ZNF487: variants seen among roughly 807,000 people sequenced by gnomAD.
The protein encoded by ZNF487 is KRAB domain only 1.
A neutral mutation model predicts 3.0 loss-of-function variants in ZNF487; 4 were observed. That is an observed-to-expected ratio of 1.35 (90% CI 0.66 to 3.08). The LOEUF (loss-of-function observed/expected upper bound fraction) is 3.08. Ranked by LOEUF, ZNF487 falls within the 30% of genes most tolerant of loss-of-function variation. The pLI is 0.01. For missense variants in ZNF487, 146 were observed against 98.7 expected (o/e 1.48, Z -2.03); for synonymous variants, 55 against 34.6 (o/e 1.59, Z -2.06).
the ZNF487 span, among the ~76,000 whole-genome samples, chr10:43,509,582 G>T: frequency 6.6e-6 from 1 of 151,688 alleles, no homozygotes; most frequent in African/African-American, 2.4e-5. Flanking sequence ...CTTCCAAAAG[G>T]ATTAGTTCCA....
chr10:43,451,753 C>T lies in ZNF487; in HGVS notation c.-94+14491C>T, dbSNP rs530959897. Among the ~76,000 whole-genome samples, 13 of 151,978 alleles carry T rather than the reference C, an allele frequency of 8.6e-5. No homozygotes were observed. In the South Asian group the frequency reaches 1.7e-3, roughly 19 times the overall value. The stretch of plus-strand genomic sequence containing the variant: ...GCTAATTTTGTATTTTTAGTAGAGA[C>T]GGGGTTTCTCCATGTTGGTCAGGCT... On this transcript the variant is annotated intron_variant, in intron 1 of 3. Transcript: ENST00000437590.
Position 43,481,645 on chromosome 10 carries a change from T to A in ZNF487, c.347T>A (p.Ile116Asn). The stretch of plus-strand genomic sequence containing the variant: ...AATTTGAATAATATTTCAGAATTAA[T>A]TATTAGTAATAGAAGCTCCTTTGTA... ...GMNLNNISEL[I>N]ISNRSSFVRN... The change falls in exon 4 of 4, where the codon ATT (isoleucine) becomes AAT (asparagine). Residue 116 changes from isoleucine (I) to asparagine (N), a missense_variant. Physicochemically the swap from Ile to Asn is moderately radical, Grantham distance 149. Coordinates refer to ENST00000437590, the MANE Select transcript of ZNF487 (RefSeq NM_001355444.3). 1.5e-6 allele frequency: 1 copy of A among 681,262 alleles called. No homozygotes were observed. The highest frequency in any genetic ancestry group is 2.7e-6 in the Non-Finnish European group (1 of 371,232). 42.2% of individuals were successfully genotyped at this position (681,262 alleles called of 1,614,324 possible). A position where few individuals can be genotyped will look rare whatever the true frequency, so the allele number is the denominator to read the frequency against.
downstream of ZNF487, among the ~76,000 whole-genome samples, chr10:43,484,829 T>C (rs1180604252): frequency 2.0e-5 from 3 of 152,226 alleles, no homozygotes; most frequent in Non-Finnish European, 4.4e-5. Context: ...TCCTACCACA[T>C]CAATTTTAAT....
At chr10:43,490,783 C>T in the ZNF487 span, among the ~76,000 whole-genome samples, 60 of 149,594 alleles carry the variant, frequency 4.0e-4, 2 homozygotes, top group Middle Eastern at 6.8e-3. Context: ...CAAGCTATTC[C>T]CCTGCCTCAG....
At chr10:43,464,577 G>A (rs916739335) in intron 1 of ZNF487, among the ~76,000 whole-genome samples, 1,987 of 152,110 alleles carry the variant, frequency 0.013, 32 homozygotes, top group African/African-American at 0.044. Context: ...GATGACTCTT[G>A]ATGAGCATGC....
chr10:43,500,697 A>G, the ZNF487 span, among the ~76,000 whole-genome samples: 688 of 148,056 alleles, frequency 4.6e-3, 2 homozygotes, highest in African/African-American at 0.016. Context: ...TTTTGTGGAG[A>G]TGGGGTTTCT....
In ZNF487 at chr10:43,481,800, T is replaced by C. The variant is rs1283720034; in HGVS notation, c.502T>C (p.Phe168Leu). 8.5e-6 allele frequency: 6 copies of C among 707,942 alleles called. No homozygotes were observed. Among genetic ancestry groups the C allele is most frequent in the Non-Finnish European group, 1.0e-5 (4 of 385,036 alleles). 43.9% of individuals were successfully genotyped at this position (707,942 alleles called of 1,614,324 possible). A position where few individuals can be genotyped will look rare whatever the true frequency, so the allele number is the denominator to read the frequency against. Reference sequence around the variant, plus strand: ...AGCCGTCTCTCAGAATGAGGACTTATTTAGGCATCAGTATATTCAAACTCT... The same window carrying C: ...AGCCGTCTCTCAGAATGAGGACTTACTTAGGCATCAGTATATTCAAACTCT... ...GKAVSQNEDL[F>L]RHQYIQTLKQ... The change falls in exon 4 of 4, where the codon TTT (phenylalanine) becomes CTT (leucine). Residue 168 changes from phenylalanine (F) to leucine (L), a missense_variant. Physicochemically the swap from Phe to Leu is conservative, Grantham distance 22. Coordinates refer to ENST00000437590, the MANE Select transcript of ZNF487 (RefSeq NM_001355444.3).
chr10:43,483,129 A>T lies in ZNF487; in HGVS notation c.*1207A>T, dbSNP rs1411266672. On this transcript the variant is annotated 3_prime_UTR_variant, in exon 4 of 4. Transcript: ENST00000437590. ...TTCTTGGACTCGTTCCATAGCAGAA[A>T]CAACCCAGGTTGGGGTGAGAACACC... is the stretch of plus-strand genomic sequence containing the variant. 2.2e-6 allele frequency: 1 copy of T among 456,250 alleles called. No individual in the cohort carries two copies. Among genetic ancestry groups the T allele is most frequent in the Admixed American group, 2.4e-5 (1 of 42,534 alleles). 28.3% of individuals were successfully genotyped at this position (456,250 alleles called of 1,614,324 possible). A position where few individuals can be genotyped will look rare whatever the true frequency, so the allele number is the denominator to read the frequency against.
intron 1 of ZNF487, among the ~76,000 whole-genome samples, chr10:43,456,134 T>C (rs1200895987): frequency 2.6e-5 from 4 of 152,192 alleles, no homozygotes; most frequent in Non-Finnish European, 5.9e-5. Context: ...GTCCAGCCAG[T>C]GTGTCCTCAG....
the ZNF487 span, among the ~76,000 whole-genome samples, chr10:43,509,458 C>CATATATATATAT: frequency 2.2e-3 from 303 of 135,274 alleles, 1 homozygote; most frequent in East Asian, 0.013. Context: ...ACTAATGGAA[C>CATATATATATAT]ATATATATAT....
At chr10:43,494,520 C>A in the ZNF487 span, among the ~76,000 whole-genome samples, 3 of 151,818 alleles carry the variant, frequency 2.0e-5, no homozygotes, top group East Asian at 5.8e-4. Context: ...TTCTTAAAAT[C>A]ACTGCCCCTA....
At chr10:43,495,103 T>G in the ZNF487 span, among the ~76,000 whole-genome samples, 1 of 152,152 alleles carries the variant, frequency 6.6e-6, no homozygotes, top group Admixed American at 6.5e-5. Flanking sequence ...CTCTTGATTT[T>G]GCTTCTGCAT....
At chr10:43,450,618 G>T (rs1839972585) in intron 1 of ZNF487, among the ~76,000 whole-genome samples, 1 of 152,200 alleles carries the variant, frequency 6.6e-6, no homozygotes, top group South Asian at 2.1e-4. Context: ...CCAAAGTGCT[G>T]GGATTATAGG....
downstream of ZNF487, among the ~76,000 whole-genome samples, chr10:43,484,525 T>G (rs1841453876): frequency 6.6e-6 from 1 of 152,024 alleles, no homozygotes; most frequent in East Asian, 1.9e-4. Flanking sequence ...GAGAACTGCT[T>G]GAACCTGGGA....
chr10:43,439,325 A>G (rs1282501302), intron 1 of ZNF487, among the ~76,000 whole-genome samples: 4 of 152,066 alleles, frequency 2.6e-5, no homozygotes. Context: ...ACATGTGCCT[A>G]GGAGGTTGAG....
the ZNF487 span, among the ~76,000 whole-genome samples, chr10:43,504,354 C>T: frequency 7.6e-6 from 1 of 132,128 alleles, no homozygotes. Flanking sequence ...AGTGCAATGA[C>T]GCGATCTCGG....
At chr10:43,495,761 A>G in the ZNF487 span, among the ~76,000 whole-genome samples, 5 of 152,222 alleles carry the variant, frequency 3.3e-5, no homozygotes, top group East Asian at 9.6e-4. Context: ...TTATATCCCC[A>G]GAACATAAGA....
chr10:43,491,745 C>A, the ZNF487 span, among the ~76,000 whole-genome samples: 1 of 151,646 alleles, frequency 6.6e-6, no homozygotes, highest in Non-Finnish European at 1.5e-5. Context: ...GGACCAATAT[C>A]TCTTAATGTC....
intron 1 of ZNF487, among the ~76,000 whole-genome samples, chr10:43,440,533 C>A (rs989429315): frequency 6.6e-6 from 1 of 151,976 alleles, no homozygotes; most frequent in African/African-American, 2.4e-5. Context: ...TAATGCTTAC[C>A]TGTAGTCCCA....
Sources: gnomAD v4.1 joint callset for allele counts (sites outside exome capture counted in the v4.1 genomes callset) on GRCh38, gnomAD v4.1.1 for gene constraint, MANE v1.5 for transcripts, NCBI Gene and HGNC (gene_info 2026-07-23, HGNC 2026-07-21) for gene names.